The following USP42 variants were observed in gnomAD, a reference collection of about 807,000 sequenced individuals.
USP42 encodes ubiquitin specific peptidase 42.
USP42 carries 23 observed loss-of-function variants against 113.0 expected under a neutral mutation model. That is an observed-to-expected ratio of 0.20 (90% confidence interval 0.15 to 0.29). USP42 has a LOEUF of 0.29. USP42 is among the 10% of genes least tolerant of loss of function. The pLI is 1.00. For missense variants in USP42, 2,174 were observed against 1,779.8 expected (o/e 1.22, Z -3.99); for synonymous variants, 933 against 699.0 (o/e 1.33, Z -5.28).
At chr7:6,121,010 AG>A (rs1488906625) in intron 3 of USP42, among the ~76,000 whole-genome samples, 7 of 152,052 alleles carry the variant, frequency 4.6e-5, no homozygotes, top group African/African-American at 1.4e-4. Flanking sequence ...TGGAACCTTA[AG>A]TCACTTATTA....
At chr7:6,115,001 T>C (rs1362716565) in intron 2 of USP42, among the ~76,000 whole-genome samples, 5 of 152,016 alleles carry the variant, frequency 3.3e-5, no homozygotes, top group South Asian at 2.1e-4. Context: ...TATATATATA[T>C]TTTTTTAAGC....
the USP42 span, among the ~76,000 whole-genome samples, chr7:6,089,810 T>G: frequency 6.7e-6 from 1 of 150,176 alleles, no homozygotes; most frequent in African/African-American, 2.5e-5. Context: ...GGATTACAGG[T>G]GTGAGCTACC....
chr7:6,149,073 C>T (rs761518936), intron 12 of USP42, among the ~76,000 whole-genome samples: 3 of 152,200 alleles, frequency 2.0e-5, no homozygotes, highest in Non-Finnish European at 4.4e-5. Context: ...CATGGGGGAA[C>T]CTGCAGCGAG....
intron 3 of USP42, among the ~76,000 whole-genome samples, chr7:6,124,336 C>T (rs533668493): frequency 1.4e-4 from 22 of 152,138 alleles, no homozygotes; most frequent in Non-Finnish European, 2.8e-4. Flanking sequence ...GGCGCGATCT[C>T]GGCTCACTGC....
chr7:6,112,591 C>A (rs1291528967), intron 2 of USP42, among the ~76,000 whole-genome samples: 1 of 152,124 alleles, frequency 6.6e-6, no homozygotes, highest in Non-Finnish European at 1.5e-5. Context: ...AAGACTTTTG[C>A]ATTTGAGGAC....
the USP42 span, among the ~76,000 whole-genome samples, chr7:6,091,342 C>T: frequency 1.3e-4 from 19 of 150,262 alleles, no homozygotes; most frequent in Admixed American, 4.6e-4. Context: ...CTCCCACCTC[C>T]GCCTCCCTCA....
intron 7 of USP42, 121 bp from the exon 8 acceptor site, chr7:6,142,811 G>C (rs941069585): frequency 2.5e-6 from 2 of 812,538 alleles, no homozygotes; most frequent in Non-Finnish European, 4.1e-6. Flanking sequence ...TTGAGCCCAG[G>C]AGGTCGAGGC....
rs1297065456 is a variant in USP42, at chr7:6,139,203, A to C, written c.656+9A>C. 6.3e-7 allele frequency: 1 copy of C among 1,577,322 alleles called. No individual in the cohort carries two copies. Among genetic ancestry groups the C allele is most frequent in the Non-Finnish European group, 8.6e-7 (1 of 1,158,814 alleles). ...TTGAATGGCAGCAATAAGTAAGTACAACAGAGCGCCAGCCATGTCTTCATT... is the reference window on the plus strand; with the variant it reads ...TTGAATGGCAGCAATAAGTAAGTACCACAGAGCGCCAGCCATGTCTTCATT... On this transcript the variant is annotated intron_variant, in intron 5 of 17. Coordinates refer to ENST00000306177, the MANE Select transcript of USP42 (RefSeq NM_032172.3). This position sits in a 1 kb window ranked among gnomAD's most constrained non-coding sequence, Gnocchi z 4.5.
At chr7:6,109,857 C>T (rs183804685) in intron 1 of USP42, among the ~76,000 whole-genome samples, 216 of 151,938 alleles carry the variant, frequency 1.4e-3, no homozygotes, top group African/African-American at 4.9e-3. Flanking sequence ...CGTGCCACCA[C>T]GCCCGGCTAA....
At chr7:6,103,859 G>C (rs150242906), upstream of USP42, among the ~76,000 whole-genome samples, 1 of 150,994 alleles carries the variant, frequency 6.6e-6, no homozygotes, top group Non-Finnish European at 1.5e-5. Flanking sequence ...TCTTAGACCT[G>C]CCCGGGCAAC....
chr7:6,134,079 G>C (rs1453142581), intron 3 of USP42, among the ~76,000 whole-genome samples: 2 of 151,874 alleles, frequency 1.3e-5, no homozygotes, highest in Non-Finnish European at 2.9e-5. Flanking sequence ...CTTTAGTAGA[G>C]ACGGGGTTTC....
intron 2 of USP42, among the ~76,000 whole-genome samples, chr7:6,113,726 A>G (rs964574554): frequency 2.0e-5 from 3 of 151,848 alleles, no homozygotes; most frequent in African/African-American, 7.3e-5. Flanking sequence ...GGTTCACACC[A>G]TTCTCCTGCC....
Position 6,154,601 on chromosome 7 carries a change from G to T in USP42, c.3047G>T (p.Arg1016Met). The change falls in exon 15 of 18, where the codon AGG becomes ATG. Residue 1016 changes from arginine to methionine, a missense_variant. By Grantham distance (91) the Arg-to-Met change is moderately conservative (BLOSUM62 -1). Coordinates refer to ENST00000306177, the MANE Select transcript of USP42 (RefSeq NM_032172.3). ...LSPGERRSLG[R>M]CSHHHSRHRS... is the part of the protein sequence containing the mutation. Reference sequence around the variant, plus strand: ...CCTGGCGAGCGCCGCTCTCTGGGCAGGTGCAGTCACCACCACTCCCGACAC... The same window carrying T: ...CCTGGCGAGCGCCGCTCTCTGGGCATGTGCAGTCACCACCACTCCCGACAC... 1 of 1,585,202 alleles carries T rather than the reference G, an allele frequency of 6.3e-7. No individual in the cohort carries two copies. The highest frequency in any genetic ancestry group is 2.3e-5 in the East Asian group (1 of 43,190).
chr7:6,099,473 C>A, the USP42 span, among the ~76,000 whole-genome samples: 1 of 150,482 alleles, frequency 6.6e-6, no homozygotes, highest in African/African-American at 2.5e-5. Context: ...CTCGGCCTCC[C>A]AAAGTGCTGG....
In USP42 at chr7:6,142,922, C is replaced by G; in HGVS notation, c.796-10C>G. On this transcript the variant is annotated splice_polypyrimidine_tract_variant and intron_variant, in intron 7 of 17. Coordinates refer to ENST00000306177, the MANE Select transcript of USP42 (RefSeq NM_032172.3). ...CGGTGATGTGGTGTTTGTGCCTCTT[C>G]TCTTCCCAGGCTGCTCAGAGTGTCA... 1.2e-6 allele frequency: 2 copies of G among 1,613,790 alleles called. No homozygotes were observed. Among genetic ancestry groups the G allele is most frequent in the Non-Finnish European group, 1.7e-6 (2 of 1,179,782 alleles).
At chr7:6,127,647 C>T (rs1780611588) in intron 3 of USP42, among the ~76,000 whole-genome samples, 1 of 151,992 alleles carries the variant, frequency 6.6e-6, no homozygotes, top group South Asian at 2.1e-4. Flanking sequence ...GTGTCCACCA[C>T]TCTACACAAG....
chr7:6,108,740 A>G (rs545649334), intron 1 of USP42, among the ~76,000 whole-genome samples: 2 of 152,294 alleles, frequency 1.3e-5, no homozygotes, highest in South Asian at 2.1e-4. Flanking sequence ...TGGCCTCCCA[A>G]AGTGCTGGGA....
In USP42 at chr7:6,154,226, G is replaced by A. The variant is rs1420771908; in HGVS notation, c.2672G>A (p.Gly891Asp). 1 of 1,606,634 alleles carries A rather than the reference G, an allele frequency of 6.2e-7. No individual in the cohort carries two copies. Among genetic ancestry groups the A allele is most frequent in the Non-Finnish European group, 8.5e-7 (1 of 1,178,792 alleles). Residue 891 changes from glycine to aspartate, a missense_variant, in exon 15 of 18, where the codon GGC (glycine) becomes GAC (aspartate). Gly to Asp is a moderately conservative substitution (Grantham distance 94, BLOSUM62 -1). Transcript: ENST00000306177. The part of the protein sequence containing the change: ...RDAQDPSQSL[G>D]APEAAERPPA... ...GCTCAGGACCCATCCCAGAGCTTGGGCGCACCCGAGGCCGCAGAGCGGCCG... is the reference window on the plus strand; with the variant it reads ...GCTCAGGACCCATCCCAGAGCTTGGACGCACCCGAGGCCGCAGAGCGGCCG...
intron 3 of USP42, chr7:6,116,555 A>G (rs997891353): frequency 6.5e-6 from 2 of 308,486 alleles, no homozygotes; most frequent in African/African-American, 2.3e-5. Context: ...GGATTTAAAA[A>G]AAAAAATCCT....
Sources: gnomAD v4.1 joint callset for allele counts (sites outside exome capture counted in the v4.1 genomes callset) on GRCh38, gnomAD v4.1.1 for gene constraint, Gnocchi (gnomAD v3.1) non-coding constraint, MANE v1.5 for transcripts, NCBI Gene and HGNC (gene_info 2026-07-23, HGNC 2026-07-21) for gene names.